ZNF91: variants seen among roughly 807,000 people sequenced by gnomAD.
ZNF91 encodes zinc finger protein 91 (HPF7, HTF10).
A neutral mutation model predicts 12.6 loss-of-function variants in ZNF91; 7 were observed. The observed-to-expected ratio is 0.55, with a 90% CI of 0.31 to 1.04. ZNF91 has a LOEUF of 1.04. ZNF91 is among the 50% of genes least tolerant of loss of function. The pLI, the probability that ZNF91 is intolerant of heterozygous loss-of-function variation, is 0.05. For synonymous variants in ZNF91, 453 were observed against 462.6 expected, an observed-to-expected ratio of 0.98 and a Z score of 0.27; for missense variants, 1,217 against 1,385.4, an observed-to-expected ratio of 0.88 and a Z score of 1.93.
chr19:23,329,782 T>C (rs1281947426), intron 1 of ZNF91, among the ~76,000 whole-genome samples: 1 of 152,202 alleles, frequency 6.6e-6, no homozygotes, highest in Admixed American at 6.5e-5. Flanking sequence ...AATAGTGATG[T>C]TGTCTGCTGA....
At chr19:23,347,275 G>A (rs1394372386) in intron 3 of ZNF91, among the ~76,000 whole-genome samples, 4 of 151,990 alleles carry the variant, frequency 2.6e-5, no homozygotes, top group Admixed American at 6.6e-5. Context: ...ATTCACACTC[G>A]TCCATCTGGA....
chr19:23,310,429 CTAA>C (rs1249406050), intron 1 of ZNF91: 1 of 152,174 alleles, frequency 6.6e-6, no homozygotes, highest in Non-Finnish European at 1.5e-5. Context: ...GACTGTGATT[CTAA>C]TAAGGGAACA....
chr19:23,389,498 A>G (rs1418607122), intron 1 of ZNF91, among the ~76,000 whole-genome samples: 1 of 151,864 alleles, frequency 6.6e-6, no homozygotes, highest in Admixed American at 6.6e-5. Flanking sequence ...ATTAATGTCT[A>G]GTGGGTATGT....
chr19:23,356,351 T>C (rs1474893133), downstream of ZNF91, among the ~76,000 whole-genome samples: 1 of 152,128 alleles, frequency 6.6e-6, no homozygotes. Flanking sequence ...ATATAAACAC[T>C]TAAAATGTAT....
In ZNF91 at chr19:23,374,611, G is replaced by GAAACTTAGTTTTAAATATATTA. The variant is rs748296633; in HGVS notation, c.157+26_157+27insTAATATATTTAAAACTAAGTTT. On this transcript the variant is annotated intron_variant, in intron 2 of 3. Transcript: ENST00000300619. The stretch of plus-strand genomic sequence containing the variant: ...GAAGTAAAACCATTAGTTTATATTA[G>GAAACTTAGTTTTAAATATATTA]AAACTTAGTATTAAAGTTTTCCTTA... The GAAACTTAGTTTTAAATATATTA allele has an allele frequency of 5.2e-5, 59 of 1,139,388 alleles. No homozygotes were observed. In the African/African-American group the frequency reaches 8.8e-4, roughly 17 times the overall value. 70.6% of individuals were successfully genotyped at this position (1,139,388 alleles called of 1,614,324 possible).
At chr19:23,369,764 G>A (rs1208652831) in intron 3 of ZNF91, among the ~76,000 whole-genome samples, 1 of 151,038 alleles carries the variant, frequency 6.6e-6, no homozygotes, top group Non-Finnish European at 1.5e-5. Flanking sequence ...ATGGATTAAG[G>A]GCGGTGCAAG....
chr19:23,324,988 G>A (rs1407629121), intron 1 of ZNF91: 1 of 151,824 alleles, frequency 6.6e-6, no homozygotes, highest in African/African-American at 2.4e-5. Flanking sequence ...GAGGGATGGG[G>A]ATAATACAGG....
intron 2 of ZNF91, 135 bp from the exon 3 acceptor site, chr19:23,373,972 T>C: frequency 2.3e-6 from 1 of 442,956 alleles, no homozygotes; most frequent in Non-Finnish European, 3.8e-6. Context: ...AACAGAAATG[T>C]TTAAATATTT....
At chr19:23,368,057 C>T (rs571193812) in intron 3 of ZNF91, among the ~76,000 whole-genome samples, 6 of 152,036 alleles carry the variant, frequency 3.9e-5, no homozygotes, top group East Asian at 3.9e-4. Flanking sequence ...TTACAGGCAC[C>T]GGGCACAGCG....
At chr19:23,355,729 T>A (rs1385163356), downstream of ZNF91, among the ~76,000 whole-genome samples, 2 of 152,044 alleles carry the variant, frequency 1.3e-5, no homozygotes, top group African/African-American at 4.8e-5. Context: ...GTATCCAGAA[T>A]CTACAACAAA....
chr19:23,392,765 T>C (rs771701), intron 1 of ZNF91, among the ~76,000 whole-genome samples: 70,906 of 151,792 alleles, frequency 0.47, 17,369 homozygotes, highest in East Asian at 0.82. Flanking sequence ...CACCATTGCA[T>C]ACCAGCCTGG....
rs532471353 is a variant in ZNF91 at position 23,388,315 on chromosome 19, AAAAC to A, written c.30+7006_30+7009del. Among the ~76,000 whole-genome samples the A allele has an allele frequency of 3.8e-3, 586 of 152,278 alleles. 10 individuals carry two copies. Among genetic ancestry groups the A allele is most frequent in the Non-Finnish European group, 2.0e-3 (135 of 68,030 alleles). ...ATCATGGAATACCGTGTGGTCATAA[AAAAC>A]AAACAGAAAACAATAACCAAAAACA... On this transcript the variant is annotated intron_variant, in intron 1 of 3. Transcript: ENST00000300619.
At chr19:23,346,442 G>T (rs944661640) in intron 3 of ZNF91, among the ~76,000 whole-genome samples, 3 of 151,988 alleles carry the variant, frequency 2.0e-5, no homozygotes, top group African/African-American at 7.2e-5. Flanking sequence ...CTCCTTGCAG[G>T]ACTCAAAAAG....
chr19:23,344,807 C>T (rs970745421), intron 3 of ZNF91, among the ~76,000 whole-genome samples: 47 of 152,226 alleles, frequency 3.1e-4, no homozygotes, highest in African/African-American at 1.1e-3. Flanking sequence ...CACAAAGCCC[C>T]TTGCACCAGC....
chr19:23,349,090 T>C (rs539939781), intron 3 of ZNF91, among the ~76,000 whole-genome samples: 3 of 152,154 alleles, frequency 2.0e-5, no homozygotes, highest in African/African-American at 4.8e-5. Flanking sequence ...ATCAAGACAA[T>C]GTGTGCCTAG....
chr19:23,394,656 A>C (rs935349202), intron 1 of ZNF91, among the ~76,000 whole-genome samples: 1 of 152,104 alleles, frequency 6.6e-6, no homozygotes, highest in Non-Finnish European at 1.5e-5. Flanking sequence ...TGAACCCGGA[A>C]GGCAGAGGTT....
upstream of ZNF91, among the ~76,000 whole-genome samples, chr19:23,315,235 T>C (rs1967534865): frequency 6.6e-6 from 1 of 152,202 alleles, no homozygotes; most frequent in African/African-American, 2.4e-5. Context: ...GCCTGAGGTA[T>C]TGTGACATAT....
chr19:23,321,783 T>C (rs1967701726), intron 1 of ZNF91, among the ~76,000 whole-genome samples: 1 of 152,062 alleles, frequency 6.6e-6, no homozygotes, highest in Non-Finnish European at 1.5e-5. Flanking sequence ...ATAGAAGAGA[T>C]TGTTACATAT....
intron 1 of ZNF91, chr19:23,325,819 G>T (rs1967825541): frequency 6.6e-6 from 1 of 152,260 alleles, no homozygotes; most frequent in Non-Finnish European, 1.5e-5. Flanking sequence ...CTCTACTGCT[G>T]TTTATCTTCC....
Sources: allele counts gnomAD v4.1 joint callset (sites outside exome capture counted in the v4.1 genomes callset), GRCh38; gene constraint gnomAD v4.1.1; transcripts MANE v1.5; gene names NCBI Gene and HGNC (gene_info 2026-07-23, HGNC 2026-07-21).